Variants in BICC1 observed in about 807,000 individuals in gnomAD.
The protein encoded by BICC1 is protein bicaudal C homolog 1.
In BICC1, 43 loss-of-function variants were observed where a neutral mutation model predicts 111.0. The ratio of observed to expected loss-of-function variants is 0.39; its 90% confidence interval spans 0.30 to 0.50. The LOEUF is 0.50. Among genes scored for constraint, BICC1 ranks in the 20% least tolerant of loss-of-function variants. The probability of loss-of-function intolerance (pLI) is 0.88; values close to 1 mark genes in which losing one functional copy is unlikely to be tolerated. For missense variants in BICC1, 1,091 were observed against 1,203.2 expected, an observed-to-expected ratio of 0.91 and a Z score of 1.38; for synonymous variants, 467 against 434.4, an observed-to-expected ratio of 1.07 and a Z score of -0.93.
At chr10:58,649,004 C>G (rs532149386) in intron 2 of BICC1, among the ~76,000 whole-genome samples, 41 of 152,264 alleles carry the variant, frequency 2.7e-4, no homozygotes, top group Non-Finnish European at 4.6e-4. Context: ...AGAAACTTCT[C>G]TAATAACAAC....
rs989019067 is a variant in BICC1, at chr10:58,539,688, A to C, written c.190+26355A>C. On this transcript the variant is annotated intron_variant, in intron 1 of 20. Transcript: ENST00000373886. ...AAATTGAAGGGAGAAATAGTAACAT[A>C]ATAATAATAGAATATTTCAGTGCCC... Among the ~76,000 whole-genome samples the C allele has an allele frequency of 2.0e-5, 3 of 152,076 alleles. No individual in the cohort carries two copies. The East Asian group carries it at 5.8e-4, about 29-fold the overall frequency.
At chr10:58,772,714 T>C (rs1842652428) in intron 3 of BICC1, among the ~76,000 whole-genome samples, 1 of 152,180 alleles carries the variant, frequency 6.6e-6, no homozygotes, top group African/African-American at 2.4e-5. Context: ...CCGGTTTGTT[T>C]ACAGGCCCAA....
In BICC1 at chr10:58,829,102, T is replaced by G; in HGVS notation, c.*211T>G. 4.2e-6 allele frequency: 2 copies of G among 475,766 alleles called. No homozygotes were observed. The highest frequency in any genetic ancestry group is 7.1e-6 in the Non-Finnish European group (2 of 281,710). The allele number at this position is 475,766 out of a possible 1,614,324, so 29.5% of individuals were successfully genotyped here. ...ACAGAACACCAAATATGGATTACTT[T>G]TTTAAAATGGCAGTTGGACAGAATT... is the stretch of plus-strand genomic sequence containing the variant. On this transcript the variant is annotated 3_prime_UTR_variant, in exon 21 of 21. Coordinates refer to ENST00000373886, the MANE Select transcript of BICC1 (RefSeq NM_001080512.3).
intron 20 of BICC1, among the ~76,000 whole-genome samples, chr10:58,824,912 C>T (rs183890907): frequency 2.3e-3 from 343 of 152,102 alleles, no homozygotes; most frequent in Admixed American, 7.0e-3. Flanking sequence ...GAGGTGGGGG[C>T]GGAGGTTGAT....
chr10:58,700,709 G>A (rs1026379857), intron 2 of BICC1, among the ~76,000 whole-genome samples: 5 of 152,162 alleles, frequency 3.3e-5, no homozygotes, highest in African/African-American at 1.2e-4. Flanking sequence ...GATGATGATG[G>A]CAAGTGGCCT....
chr10:58,535,636 A>G (rs1266212136), intron 1 of BICC1, among the ~76,000 whole-genome samples: 3 of 151,790 alleles, frequency 2.0e-5, no homozygotes, highest in African/African-American at 7.2e-5. Flanking sequence ...CTCTGAAAAC[A>G]TAAAATTCAC....
chr10:58,798,311 T>C, intron 10 of BICC1, 88 bp from the exon 11 acceptor site: 5 of 964,424 alleles, frequency 5.2e-6, no homozygotes, highest in Non-Finnish European at 7.4e-6. Flanking sequence ...ATTATATCAT[T>C]GTGCATTCCC....
chr10:58,569,238 A>G (rs1295010146), intron 1 of BICC1, among the ~76,000 whole-genome samples: 2 of 152,174 alleles, frequency 1.3e-5, no homozygotes, highest in Non-Finnish European at 2.9e-5. Flanking sequence ...TGGAGATGGT[A>G]TGACTCAATG....
At chr10:58,812,493 T>C (rs972232783) in intron 17 of BICC1, among the ~76,000 whole-genome samples, 4 of 151,828 alleles carry the variant, frequency 2.6e-5, no homozygotes, top group African/African-American at 9.7e-5. Context: ...TTTTTTTTTT[T>C]TTTGAGACAG....
chr10:58,664,648 G>A (rs1838952190), intron 2 of BICC1, among the ~76,000 whole-genome samples: 2 of 149,776 alleles, frequency 1.3e-5, no homozygotes, highest in South Asian at 2.1e-4. Context: ...CCATCTTGAG[G>A]TCTATTTCAT....
At chr10:58,773,185 G>A (rs1473594636) in intron 3 of BICC1, among the ~76,000 whole-genome samples, 4 of 152,194 alleles carry the variant, frequency 2.6e-5, no homozygotes, top group South Asian at 2.1e-4. Flanking sequence ...CTAAAAAAGT[G>A]TATGCTAAGA....
At chr10:58,756,449 C>G (rs1272061001) in intron 3 of BICC1, among the ~76,000 whole-genome samples, 1 of 152,104 alleles carries the variant, frequency 6.6e-6, no homozygotes, top group Non-Finnish European at 1.5e-5. Flanking sequence ...GATTTTTAAG[C>G]TTGCTCTTAT....
At chr10:58,762,852 A>G (rs553960071) in intron 3 of BICC1, among the ~76,000 whole-genome samples, 100 of 152,322 alleles carry the variant, frequency 6.6e-4, no homozygotes, top group African/African-American at 2.3e-3. Context: ...CAACCTTACA[A>G]GTACATCACA....
chr10:58,626,859 C>A (rs1837646274), intron 2 of BICC1, among the ~76,000 whole-genome samples: 1 of 152,144 alleles, frequency 6.6e-6, no homozygotes, highest in African/African-American at 2.4e-5. Flanking sequence ...AATCCCAGCA[C>A]TTTGGGAGGC....
intron 3 of BICC1, among the ~76,000 whole-genome samples, chr10:58,747,997 C>T (rs1162486713): frequency 6.6e-6 from 1 of 152,118 alleles, no homozygotes; most frequent in South Asian, 2.1e-4. Context: ...TATTTACTAT[C>T]TGGCCCTTGC....
intron 1 of BICC1, among the ~76,000 whole-genome samples, chr10:58,529,676 G>C (rs765868575): frequency 6.6e-6 from 1 of 151,650 alleles, no homozygotes; most frequent in African/African-American, 2.4e-5. Context: ...TTTTTAATTA[G>C]AACTTTTTAT....
chr10:58,686,983 G>C (rs1327862872), intron 2 of BICC1, among the ~76,000 whole-genome samples: 1 of 152,146 alleles, frequency 6.6e-6, no homozygotes, highest in African/African-American at 2.4e-5. Flanking sequence ...TTCTGCTCGG[G>C]TTTCTCCCCA....
chr10:58,517,789 A>T (rs1365740), intron 1 of BICC1, among the ~76,000 whole-genome samples: 1 of 151,922 alleles, frequency 6.6e-6, no homozygotes, highest in Non-Finnish European at 1.5e-5. Flanking sequence ...GTAGTTTTGA[A>T]AATGAAGAGG....
At chr10:58,607,826 T>A (rs555173559) in intron 1 of BICC1, among the ~76,000 whole-genome samples, 1 of 152,336 alleles carries the variant, frequency 6.6e-6, no homozygotes, top group East Asian at 1.9e-4. Context: ...CTTATGATAG[T>A]ACAGTCCGTA....
Sources: allele counts gnomAD v4.1 joint callset (sites outside exome capture counted in the v4.1 genomes callset), GRCh38; gene constraint gnomAD v4.1.1; transcripts MANE v1.5; gene names NCBI Gene and HGNC (gene_info 2026-07-23, HGNC 2026-07-21).